The following C3orf49 variants were observed in gnomAD, a reference collection of about 807,000 sequenced individuals.
C3orf49 encodes the protein chromosome 3 open reading frame 49.
C3orf49 carries 27 observed loss-of-function variants against 13.3 expected under a neutral mutation model. The ratio of observed to expected loss-of-function variants is 2.02; its 90% CI spans 1.49 to 2.79. The LOEUF (loss-of-function observed/expected upper bound fraction) is 2.79, where lower values mean the gene tolerates loss of function less well. C3orf49 is among the 30% of genes most tolerant of loss of function. The pLI, the probability that C3orf49 is intolerant of heterozygous loss-of-function variation, is 0.00. For synonymous variants in C3orf49, 87 were observed against 47.6 expected, an observed-to-expected ratio of 1.83 and a Z score of -3.40; for missense variants, 242 against 134.2, an observed-to-expected ratio of 1.80 and a Z score of -3.97.
chr3:63,815,741 ATTTG>A (rs907331449), upstream of C3orf49, among the ~76,000 whole-genome samples: 10 of 133,398 alleles, frequency 7.5e-5, no homozygotes, highest in African/African-American at 2.8e-4. Context: ...TCTACTTTTT[ATTTG>A]TTTGTTTTTT....
At chr3:63,834,023 G>C in intron 5 of C3orf49, 13 of 1,014,980 alleles carry the variant, frequency 1.3e-5, no homozygotes, top group Non-Finnish European at 1.8e-5. Context: ...TAAAAACAGA[G>C]TATTTTACTG....
intron 5 of C3orf49, among the ~76,000 whole-genome samples, chr3:63,837,692 G>C (rs1490628960): frequency 1.3e-5 from 2 of 151,382 alleles, no homozygotes; most frequent in Non-Finnish European, 2.9e-5. Context: ...AAGGGTCCAA[G>C]ATGGTAAAAA....
chr3:63,796,669 G>C, the C3orf49 span, among the ~76,000 whole-genome samples: 1 of 152,056 alleles, frequency 6.6e-6, no homozygotes, highest in Non-Finnish European at 1.5e-5. Flanking sequence ...TTATAAGAAA[G>C]TTCTTATTTC....
intron 1 of C3orf49, among the ~76,000 whole-genome samples, chr3:63,821,808 G>T (rs745558778): frequency 6.6e-6 from 1 of 152,074 alleles, no homozygotes; most frequent in Non-Finnish European, 1.5e-5. Flanking sequence ...GGGACCAGTG[G>T]ATAGTGGATG....
At chr3:63,823,766 TTGTGTG>T (rs55765936) in intron 2 of C3orf49, among the ~76,000 whole-genome samples, 197 bp downstream of exon 2, 8,172 of 122,948 alleles carry the variant, frequency 0.066, 245 homozygotes, top group Middle Eastern at 0.1. Flanking sequence ...GTTCATACCG[TTGTGTG>T]TGTGTGTGTG....
intron 6 of C3orf49, among the ~76,000 whole-genome samples, chr3:63,847,229 T>C (rs1450998351): frequency 6.6e-6 from 1 of 152,214 alleles, no homozygotes; most frequent in African/African-American, 2.4e-5. Context: ...TATGTATTGG[T>C]ATAAATGCTA....
chr3:63,839,817 T>A, intron 5 of C3orf49: 2 of 1,509,730 alleles, frequency 1.3e-6, no homozygotes, highest in South Asian at 1.1e-5. Flanking sequence ...TCTTGGTAAC[T>A]TTCAAGTACA....
the C3orf49 span, among the ~76,000 whole-genome samples, chr3:63,788,497 G>C: frequency 6.6e-6 from 1 of 152,230 alleles, no homozygotes; most frequent in African/African-American, 2.4e-5. Flanking sequence ...GTTTACAGAG[G>C]AAGATGAGGA....
intron 1 of C3orf49, 83 bp downstream of exon 1, chr3:63,819,679 A>G: frequency 1.5e-6 from 1 of 685,486 alleles, no homozygotes; most frequent in Non-Finnish European, 2.7e-6. Flanking sequence ...CATTGCATTT[A>G]GGAATGAGGA....
the C3orf49 span, chr3:63,785,889 A>G: frequency 2.0e-5 from 3 of 152,180 alleles, no homozygotes; most frequent in Non-Finnish European, 4.4e-5. Context: ...GGAGCACATC[A>G]AGGCCAGATG....
chr3:63,794,172 T>TACACACACACACACACACACAC, the C3orf49 span, among the ~76,000 whole-genome samples: 231 of 142,686 alleles, frequency 1.6e-3, no homozygotes, highest in African/African-American at 5.6e-3. Flanking sequence ...TACACACACA[T>TACACACACACACACACACACAC]ACACACACAC....
intron 5 of C3orf49, among the ~76,000 whole-genome samples, chr3:63,835,822 T>G (rs1268119132): frequency 6.6e-6 from 1 of 152,112 alleles, no homozygotes; most frequent in Admixed American, 6.6e-5. Flanking sequence ...TATATCATTC[T>G]TATTCTTTTT....
At chr3:63,811,447 A>G in the C3orf49 span, among the ~76,000 whole-genome samples, 11 of 151,852 alleles carry the variant, frequency 7.2e-5, no homozygotes, top group African/African-American at 2.7e-4. Context: ...AATCCCAGCT[A>G]CTCCGGAGGC....
chr3:63,785,073 T>G, the C3orf49 span, among the ~76,000 whole-genome samples: 1 of 131,108 alleles, frequency 7.6e-6, no homozygotes, highest in Non-Finnish European at 1.6e-5. Context: ...TTCTTTTTTT[T>G]TTTTTTTTTT....
chr3:63,800,396 G>A, the C3orf49 span, among the ~76,000 whole-genome samples: 7 of 151,966 alleles, frequency 4.6e-5, no homozygotes, highest in South Asian at 6.2e-4. Context: ...TCATCCAATC[G>A]TGAATTTCAG....
intron 6 of C3orf49, among the ~76,000 whole-genome samples, chr3:63,846,621 G>C (rs889726428): frequency 2.0e-5 from 3 of 152,004 alleles, no homozygotes; most frequent in African/African-American, 7.2e-5. Flanking sequence ...TGTTGGCCAG[G>C]CTGGTTCTCA....
upstream of C3orf49, among the ~76,000 whole-genome samples, chr3:63,816,297 A>G (rs887893760): frequency 6.6e-6 from 1 of 152,050 alleles, no homozygotes; most frequent in African/African-American, 2.4e-5. Context: ...CTGAATAAAT[A>G]TATGAACAAG....
intron 1 of C3orf49, among the ~76,000 whole-genome samples, chr3:63,820,509 T>G (rs73120880): frequency 8.5e-5 from 13 of 152,072 alleles, no homozygotes; most frequent in African/African-American, 3.1e-4. Flanking sequence ...GTGGGGAGGA[T>G]GGGAATGGGA....
At chr3:63,800,564 T>C in the C3orf49 span, among the ~76,000 whole-genome samples, 1 of 152,254 alleles carries the variant, frequency 6.6e-6, no homozygotes, top group Admixed American at 6.5e-5. Flanking sequence ...AGGAACAATG[T>C]TGAACATGTT....
Sources: allele counts gnomAD v4.1 joint callset (sites outside exome capture counted in the v4.1 genomes callset), GRCh38; gene constraint gnomAD v4.1.1; transcripts MANE v1.5; gene names NCBI Gene and HGNC (gene_info 2026-07-23, HGNC 2026-07-21).